CNTN5: variants seen among roughly 807,000 people sequenced by gnomAD.
The protein encoded by CNTN5 is contactin 5.
A neutral mutation model predicts 129.1 loss-of-function variants in CNTN5; 77 were observed. That is an observed-to-expected ratio of 0.60 (90% CI 0.50 to 0.72). The LOEUF is 0.72. Ranked by LOEUF, CNTN5 falls within the 30% of genes least tolerant of loss-of-function variation. The pLI is 0.00. For synonymous variants in CNTN5, 509 were observed against 465.6 expected, an observed-to-expected ratio of 1.09 and a Z score of -1.20; for missense variants, 1,478 against 1,328.8, an observed-to-expected ratio of 1.11 and a Z score of -1.75.
chr11:99,219,758 T>C (rs1860308086), intron 1 of CNTN5, among the ~76,000 whole-genome samples: 1 of 151,840 alleles, frequency 6.6e-6, no homozygotes, highest in Non-Finnish European at 1.5e-5. Context: ...TGTGAGAATG[T>C]ACTATGAGGG....
intron 1 of CNTN5, among the ~76,000 whole-genome samples, chr11:99,294,618 G>C (rs539323713): frequency 2.6e-5 from 4 of 152,114 alleles, no homozygotes; most frequent in Non-Finnish European, 5.9e-5. Context: ...CAGATCCAGT[G>C]CAATCCCTGT....
At chr11:99,878,821 C>G (rs1948699638) in intron 6 of CNTN5, among the ~76,000 whole-genome samples, 1 of 152,138 alleles carries the variant, frequency 6.6e-6, no homozygotes, top group East Asian at 1.9e-4. Flanking sequence ...GGCCAATGCA[C>G]TCCAGCCTGG....
intron 3 of CNTN5, among the ~76,000 whole-genome samples, chr11:99,643,091 T>C (rs908577961): frequency 1.3e-5 from 2 of 152,196 alleles, no homozygotes; most frequent in African/African-American, 4.8e-5. Context: ...GAACACTGAT[T>C]TTATTTCCTT....
chr11:99,957,419 T>A (rs1950831983), intron 8 of CNTN5, among the ~76,000 whole-genome samples: 1 of 152,250 alleles, frequency 6.6e-6, no homozygotes, highest in African/African-American at 2.4e-5. Flanking sequence ...CAGGTTTTAA[T>A]ACTTCATGGT....
At chr11:99,182,247 G>T (rs928295710) in intron 1 of CNTN5, among the ~76,000 whole-genome samples, 7 of 152,096 alleles carry the variant, frequency 4.6e-5, no homozygotes, top group African/African-American at 1.7e-4. Flanking sequence ...CATTTGATAT[G>T]GCAAAGTATA....
In CNTN5 at chr11:99,569,793, C is replaced by G. The variant is rs115253631; in HGVS notation, c.55+13524C>G. Among the ~76,000 whole-genome samples the G allele has an allele frequency of 4.2e-3, 637 of 152,130 alleles. 4 individuals carry two copies. The highest frequency in any genetic ancestry group is 0.015 in the African/African-American group (605 of 41,504). ...ACTATGCTCCCTGTTGCAGTAATTT[C>G]TGGTGAAGAAACATCCGAATAGGAT... On this transcript the variant is annotated intron_variant, in intron 3 of 24. Coordinates refer to ENST00000524871, the MANE Select transcript of CNTN5 (RefSeq NM_014361.4).
At chr11:100,206,864 AC>A in intron 15 of CNTN5, among the ~76,000 whole-genome samples, 2 of 152,066 alleles carry the variant, frequency 1.3e-5, no homozygotes, top group African/African-American at 4.8e-5. Context: ...TATTTGCTAA[AC>A]AAAATATATA....
At chr11:99,991,820 G>T (rs768310326) in intron 8 of CNTN5, among the ~76,000 whole-genome samples, 1 of 152,122 alleles carries the variant, frequency 6.6e-6, no homozygotes, top group Non-Finnish European at 1.5e-5. Context: ...GTCTCTGATT[G>T]AAAAGTTTCA....
chr11:99,388,774 C>T (rs1178595638), intron 2 of CNTN5, among the ~76,000 whole-genome samples: 2 of 152,052 alleles, frequency 1.3e-5, no homozygotes, highest in Admixed American at 6.6e-5. Context: ...CATTTATAAC[C>T]ATACAAACTT....
intron 13 of CNTN5, among the ~76,000 whole-genome samples, chr11:100,107,488 C>CTTTTTTTT (rs10630943): frequency 7.7e-6 from 1 of 130,504 alleles, no homozygotes; most frequent in Non-Finnish European, 1.6e-5. Flanking sequence ...CTATAGTATT[C>CTTTTTTTT]TTTTTTTTTT....
chr11:99,097,022 A>G lies in CNTN5; in HGVS notation c.-210+75752A>G, dbSNP rs150169041. Among the ~76,000 whole-genome samples the G allele has an allele frequency of 2.0e-5, 3 of 152,046 alleles. No individual in the cohort carries two copies. The East Asian group carries it at 5.8e-4, about 29-fold the overall frequency. ...TGTGTATACAGTGCTACACTTTATT[A>G]GCTATCACTATGTTCTGTGCATATT... On this transcript the variant is annotated intron_variant, in intron 1 of 24. Coordinates refer to ENST00000524871, the MANE Select transcript of CNTN5 (RefSeq NM_014361.4).
chr11:99,190,106 A>G (rs1858560360), intron 1 of CNTN5, among the ~76,000 whole-genome samples: 1 of 151,558 alleles, frequency 6.6e-6, no homozygotes, highest in South Asian at 2.1e-4. Flanking sequence ...ATCTAATTGT[A>G]TTGTTATGAT....
intron 3 of CNTN5, among the ~76,000 whole-genome samples, chr11:99,619,179 G>C (rs7105013): frequency 0.65 from 97,836 of 151,654 alleles, 31,983 homozygotes; most frequent in Admixed American, 0.76. Context: ...AGAGTTTTTT[G>C]TTAAAACAAA....
At chr11:99,342,614 T>A (rs1303924134) in intron 2 of CNTN5, among the ~76,000 whole-genome samples, 1 of 109,158 alleles carries the variant, frequency 9.2e-6, no homozygotes, top group African/African-American at 3.8e-5. Context: ...CAGGGCGTGG[T>A]GACACGTGCC....
chr11:99,741,993 G>A (rs1443127365), intron 3 of CNTN5, among the ~76,000 whole-genome samples: 1 of 152,044 alleles, frequency 6.6e-6, no homozygotes, highest in Non-Finnish European at 1.5e-5. Flanking sequence ...ATTCACAAGT[G>A]AGGAAAATCA....
At chr11:99,650,617 G>T (rs1385427266) in intron 3 of CNTN5, among the ~76,000 whole-genome samples, 1 of 151,756 alleles carries the variant, frequency 6.6e-6, no homozygotes, top group Non-Finnish European at 1.5e-5. Flanking sequence ...TAGTTAAAAG[G>T]AACAACATTC....
At chr11:99,741,083 GT>G (rs1440351978) in intron 3 of CNTN5, among the ~76,000 whole-genome samples, 1 of 152,132 alleles carries the variant, frequency 6.6e-6, no homozygotes, top group African/African-American at 2.4e-5. Flanking sequence ...TCAAAGTAAT[GT>G]GTTGTCTGGA....
At chr11:99,533,052 A>T (rs775767631) in intron 2 of CNTN5, among the ~76,000 whole-genome samples, 1 of 152,168 alleles carries the variant, frequency 6.6e-6, no homozygotes. Context: ...GCAAAACCAC[A>T]TCTCTATCAA....
intron 1 of CNTN5, among the ~76,000 whole-genome samples, chr11:99,197,610 C>T (rs1191514449): frequency 6.6e-6 from 1 of 152,014 alleles, no homozygotes; most frequent in Non-Finnish European, 1.5e-5. Context: ...ATGCAGATCC[C>T]TCAATAACAT....
Sources: allele counts gnomAD v4.1 joint callset (sites outside exome capture counted in the v4.1 genomes callset), GRCh38; gene constraint gnomAD v4.1.1; transcripts MANE v1.5; gene names NCBI Gene and HGNC (gene_info 2026-07-23, HGNC 2026-07-21).